The following IMPG1 variants were observed in gnomAD, a reference collection of about 807,000 sequenced individuals.
IMPG1 encodes the protein interphotoreceptor matrix proteoglycan of 150 kDa.
Under a neutral mutation model 92.0 loss-of-function variants are expected in IMPG1, and 85 were observed. That is an observed-to-expected ratio of 0.92 (90% CI 0.78 to 1.11). IMPG1 has a LOEUF of 1.11. Among genes scored for constraint, IMPG1 ranks in the 50% least tolerant of loss-of-function variants. The pLI is 0.00. For synonymous variants in IMPG1, 367 were observed against 334.1 expected (o/e 1.10, Z -1.08); for missense variants, 1,022 against 956.0 (o/e 1.07, Z -0.91).
At chr6:76,002,410 T>C (rs1783007687) in intron 12 of IMPG1, among the ~76,000 whole-genome samples, 1 of 152,254 alleles carries the variant, frequency 6.6e-6, no homozygotes, top group Admixed American at 6.5e-5. Flanking sequence ...TATTCTTTTT[T>C]ACTTACACAT....
chr6:76,005,418 A>G lies in IMPG1; in HGVS notation c.1004T>C (p.Val335Ala), dbSNP rs775225216. ...GTCCTCCTCCATGGTTCCATGATAG[A>G]CTTCCTCACTTTCAATTTTGTTGGA... The part of the protein sequence containing the change: ...FDSNKIESEE[V>A]YHGTMEEDKQ... Residue 335 changes from valine to alanine, a missense_variant, in exon 10 of 17, where the codon GTC becomes GCC. Val to Ala is a moderately conservative substitution (Grantham distance 64, BLOSUM62 0). Around this residue, in one of 3 missense-constraint regions of IMPG1, gnomAD observed 681 missense variants for 583.6 expected, o/e 1.17. Coordinates refer to ENST00000369950, the MANE Select transcript of IMPG1 (RefSeq NM_001563.4). 4 of 1,613,878 alleles carry G rather than the reference A, an allele frequency of 2.5e-6. No homozygotes were observed. The highest frequency in any genetic ancestry group is 1.3e-5 in the African/African-American group (1 of 74,876).
At chr6:75,988,227 T>C (rs530649685) in intron 12 of IMPG1, among the ~76,000 whole-genome samples, 2 of 152,338 alleles carry the variant, frequency 1.3e-5, no homozygotes, top group African/African-American at 4.8e-5. Context: ...AACTAGTTTA[T>C]AGTCCCACCA....
chr6:76,052,248 G>T (rs907424863), intron 1 of IMPG1, among the ~76,000 whole-genome samples: 3 of 152,134 alleles, frequency 2.0e-5, no homozygotes, highest in Non-Finnish European at 4.4e-5. Context: ...GTTTTCAACT[G>T]TACCCAGAAC....
Position 75,991,059 on chromosome 6 carries a change from T to G in IMPG1, c.1291+11859A>C, listed in dbSNP as rs144449462. On this transcript the variant is annotated intron_variant, in intron 12 of 16. Transcript: ENST00000369950. ...ACAGGTGGCTTTGTCTGTGGTTGGTTATTCTCTGGCCTCAAACCATTTGCA... is the reference window on the plus strand; with the variant it reads ...ACAGGTGGCTTTGTCTGTGGTTGGTGATTCTCTGGCCTCAAACCATTTGCA... Among the ~76,000 whole-genome samples, 278 of 152,294 alleles carry G rather than the reference T, an allele frequency of 1.8e-3. 1 individual carries two copies. Among genetic ancestry groups the G allele is most frequent in the Admixed American group, 4.0e-3 (61 of 15,306 alleles).
intron 12 of IMPG1, among the ~76,000 whole-genome samples, chr6:75,958,805 G>T (rs577278563): frequency 1.7e-4 from 26 of 151,952 alleles, no homozygotes; most frequent in Admixed American, 1.5e-3. Context: ...TAGCTTCCTT[G>T]CATTGGGTTA....
intron 4 of IMPG1, among the ~76,000 whole-genome samples, chr6:76,029,587 A>G (rs1299587961): frequency 6.6e-6 from 1 of 152,190 alleles, no homozygotes; most frequent in Non-Finnish European, 1.5e-5. Context: ...CCAACCAGCA[A>G]TCTCTGGCTG....
intron 1 of IMPG1, among the ~76,000 whole-genome samples, chr6:76,066,846 A>T (rs1421953622): frequency 6.6e-6 from 1 of 152,180 alleles, no homozygotes; most frequent in Non-Finnish European, 1.5e-5. Flanking sequence ...AATTATATCA[A>T]GTATCTTCTC....
intron 8 of IMPG1, 49 bp downstream of exon 8, chr6:76,011,117 A>T: frequency 1.0e-6 from 1 of 997,376 alleles, no homozygotes; most frequent in Non-Finnish European, 1.6e-6. Context: ...ACAAAAGGAT[A>T]GGAAGAAAGT....
chr6:75,923,985 G>C (rs988411972), intron 15 of IMPG1, among the ~76,000 whole-genome samples: 2 of 152,028 alleles, frequency 1.3e-5, no homozygotes, highest in Non-Finnish European at 2.9e-5. Context: ...CTGAGTTGTG[G>C]TTGCTGAAAA....
chr6:75,941,736 C>A (rs1970488), intron 14 of IMPG1, among the ~76,000 whole-genome samples: 42,443 of 152,088 alleles, frequency 0.28, 6,151 homozygotes, highest in Non-Finnish European at 0.34. Context: ...ATTTACCAAT[C>A]TCATTTCATC....
chr6:76,017,293 AT>A (rs1394263493), intron 7 of IMPG1, among the ~76,000 whole-genome samples: 1 of 152,154 alleles, frequency 6.6e-6, no homozygotes, highest in Non-Finnish European at 1.5e-5. Flanking sequence ...AGAGATTTGA[AT>A]TTAATTAGAG....
chr6:76,004,005 T>C, intron 10 of IMPG1, 55 bp from the exon 11 acceptor site: 2 of 1,383,892 alleles, frequency 1.4e-6, no homozygotes, highest in Non-Finnish European at 2.0e-6. Context: ...CTTTTGTGGT[T>C]GGGACAATAA....
In IMPG1 at chr6:75,921,888, A is replaced by G. The variant is rs78138281; in HGVS notation, c.*201T>C. ...GATTGCATTTGGGGTTTTAATAATA[A>G]GTAAGTGTCTTTTTCTTCAGAATTT... is the stretch of plus-strand genomic sequence containing the variant. On this transcript the variant is annotated 3_prime_UTR_variant, in exon 17 of 17. Coordinates refer to ENST00000369950, the MANE Select transcript of IMPG1 (RefSeq NM_001563.4). 2.3e-3 allele frequency: 940 copies of G among 414,550 alleles called. 9 individuals carry two copies. The highest frequency in any genetic ancestry group is 0.018 in the African/African-American group (858 of 48,184). 25.7% of individuals were successfully genotyped at this position (414,550 alleles called of 1,614,324 possible). A position where few individuals can be genotyped will look rare whatever the true frequency, so the allele number is the denominator to read the frequency against.
chr6:76,030,835 G>A (rs1196385972), intron 4 of IMPG1, among the ~76,000 whole-genome samples: 1 of 152,158 alleles, frequency 6.6e-6, no homozygotes, highest in Non-Finnish European at 1.5e-5. Context: ...TCTTTAGAGT[G>A]GGGAATGAGA....
At chr6:75,973,854 C>T (rs546166513) in intron 12 of IMPG1, among the ~76,000 whole-genome samples, 1 of 152,156 alleles carries the variant, frequency 6.6e-6, no homozygotes, top group Admixed American at 6.5e-5. Context: ...AAAAGGGAGA[C>T]CTAACAACTC....
intron 4 of IMPG1, among the ~76,000 whole-genome samples, chr6:76,032,224 T>A (rs1309860887): frequency 6.6e-6 from 1 of 152,210 alleles, no homozygotes; most frequent in African/African-American, 2.4e-5. Context: ...TTGTTTCTTA[T>A]AATTTTTAAT....
At chr6:75,922,257 A>T in intron 16 of IMPG1, 91 bp from the exon 17 acceptor site, 2 of 619,676 alleles carry the variant, frequency 3.2e-6, no homozygotes, top group Non-Finnish European at 5.8e-6. Flanking sequence ...GGTAGATAAG[A>T]GGATGTGCTT....
At chr6:75,938,851 A>C (rs73464863) in intron 14 of IMPG1, among the ~76,000 whole-genome samples, 1,199 of 83,552 alleles carry the variant, frequency 0.014, 15 homozygotes, top group African/African-American at 0.041. Flanking sequence ...CAAAACAAAA[A>C]AATACTATAC....
At chr6:76,018,652 T>C in intron 7 of IMPG1, 66 bp downstream of exon 7, 1 of 1,462,502 alleles carries the variant, frequency 6.8e-7, no homozygotes, top group Non-Finnish European at 9.4e-7. Context: ...TAAGGGTTTA[T>C]GTCCTATCGG....
Sources: allele counts gnomAD v4.1 joint callset (sites outside exome capture counted in the v4.1 genomes callset), GRCh38; gene constraint gnomAD v4.1.1; regional missense constraint gnomAD v4.1.1; transcripts MANE v1.5; gene names NCBI Gene and HGNC (gene_info 2026-07-23, HGNC 2026-07-21).